The following ABCC4 variants were observed in gnomAD, a reference collection of about 807,000 sequenced individuals.
The protein encoded by ABCC4 is ATP binding cassette subfamily C member 4 (PEL blood group).
A neutral mutation model predicts 168.5 loss-of-function variants in ABCC4; 102 were observed. The observed-to-expected ratio is 0.61, with a 90% CI of 0.52 to 0.71. ABCC4 has a LOEUF of 0.71. Ranked by LOEUF, ABCC4 falls within the 30% of genes least tolerant of loss-of-function variation. ABCC4 has a pLI of 0.00. For synonymous variants in ABCC4, 617 were observed against 590.7 expected (o/e 1.04, Z -0.65); for missense variants, 1,402 against 1,605.8 (o/e 0.87, Z 2.17).
intron 1 of ABCC4, among the ~76,000 whole-genome samples, chr13:95,262,090 A>C (rs1364765493): frequency 6.6e-6 from 1 of 152,210 alleles, no homozygotes; most frequent in African/African-American, 2.4e-5. Context: ...AGGCCAGCCT[A>C]GGGCAACATG....
At chr13:95,042,086 A>G (rs1209976837) in intron 29 of ABCC4, among the ~76,000 whole-genome samples, 1 of 152,134 alleles carries the variant, frequency 6.6e-6, no homozygotes, top group African/African-American at 2.4e-5. Flanking sequence ...TGGAGACACT[A>G]ATGGAGTTGG....
intron 1 of ABCC4, among the ~76,000 whole-genome samples, chr13:95,272,048 A>ATT (rs34933534): frequency 0.03 from 4,465 of 148,474 alleles, 241 homozygotes; most frequent in African/African-American, 0.1. Context: ...TTAAGCACAT[A>ATT]TTTTTTTTTT....
intron 1 of ABCC4, among the ~76,000 whole-genome samples, chr13:95,284,313 G>A (rs1024971639): frequency 7.9e-5 from 12 of 152,024 alleles, no homozygotes; most frequent in Non-Finnish European, 1.6e-4. Flanking sequence ...CAGCCTTCCT[G>A]AGTAACTGTT....
At chr13:95,040,289 T>C (rs961345134) in intron 29 of ABCC4, among the ~76,000 whole-genome samples, 1 of 152,214 alleles carries the variant, frequency 6.6e-6, no homozygotes, top group African/African-American at 2.4e-5. Context: ...TGGAGTGCAG[T>C]GGCGCGATCT....
Position 95,204,573 on chromosome 13 carries a change from G to A in ABCC4, c.1161+1959C>T, listed in dbSNP as rs565667069. Among the ~76,000 whole-genome samples, 7 of 152,168 alleles carry A rather than the reference G, an allele frequency of 4.6e-5. No homozygotes were observed. In the East Asian group the frequency reaches 7.7e-4, roughly 17 times the overall value. On this transcript the variant is annotated intron_variant, in intron 8 of 30. Coordinates refer to ENST00000645237, the MANE Select transcript of ABCC4 (RefSeq NM_005845.5). ...GAAGAAAGTGCCTGCTTCCCCTTCCGCCATGACTGTGAGTTTCCTGAGGTC... is the reference window on the plus strand; with the variant it reads ...GAAGAAAGTGCCTGCTTCCCCTTCCACCATGACTGTGAGTTTCCTGAGGTC...
chr13:95,125,015 C>T (rs1366386610), intron 19 of ABCC4, among the ~76,000 whole-genome samples: 1 of 152,160 alleles, frequency 6.6e-6, no homozygotes, highest in Non-Finnish European at 1.5e-5. Context: ...GACCACCCCA[C>T]AGAGCACTAA....
chr13:95,190,033 T>C (rs894117367), intron 9 of ABCC4, among the ~76,000 whole-genome samples: 7 of 132,066 alleles, frequency 5.3e-5, no homozygotes, highest in African/African-American at 2.1e-4. Flanking sequence ...CAATCACTGC[T>C]AATGTTAAAA....
intron 1 of ABCC4, among the ~76,000 whole-genome samples, chr13:95,291,190 C>CA (rs1323401560): frequency 6.6e-6 from 1 of 151,440 alleles, no homozygotes; most frequent in Non-Finnish European, 1.5e-5. Context: ...CCCACCTCTA[C>CA]AAAAAATTAG....
chr13:95,080,576 A>C (rs7988310), intron 21 of ABCC4, among the ~76,000 whole-genome samples: 128,054 of 151,954 alleles, frequency 0.84, 55,715 homozygotes, highest in Non-Finnish European at 0.95. Context: ...TGGGTTCAAG[A>C]GATTCTCATG....
chr13:95,097,530 T>C (rs1206596991), intron 20 of ABCC4, among the ~76,000 whole-genome samples: 1 of 150,594 alleles, frequency 6.6e-6, no homozygotes, highest in East Asian at 1.9e-4. Flanking sequence ...ATCCAGATAT[T>C]ATAAGCCAAC....
chr13:95,194,149 G>A (rs2038343482), intron 9 of ABCC4, among the ~76,000 whole-genome samples: 1 of 152,182 alleles, frequency 6.6e-6, no homozygotes, highest in African/African-American at 2.4e-5. Context: ...CTTGTGGGTG[G>A]CCCCTGCTGT....
At chr13:95,214,729 T>C (rs1365059339) in intron 4 of ABCC4, among the ~76,000 whole-genome samples, 1 of 151,650 alleles carries the variant, frequency 6.6e-6, no homozygotes, top group African/African-American at 2.4e-5. Flanking sequence ...CTACTAAAAA[T>C]ACAAAAATTA....
At chr13:95,290,452 C>T (rs575670551) in intron 1 of ABCC4, among the ~76,000 whole-genome samples, 13 of 152,242 alleles carry the variant, frequency 8.5e-5, no homozygotes, top group Middle Eastern at 3.4e-3. Flanking sequence ...CGCCTGTAAT[C>T]CCAGCACTTT....
At chr13:95,115,854 G>T in intron 20 of ABCC4, 68 bp downstream of exon 20, 2 of 1,385,366 alleles carry the variant, frequency 1.4e-6, no homozygotes, top group Non-Finnish European at 2.0e-6. Flanking sequence ...CAGACCCCAT[G>T]AAAAGGGCTT....
intron 28 of ABCC4, 117 bp from the exon 29 acceptor site, chr13:95,043,904 T>C: frequency 1.5e-6 from 1 of 666,448 alleles, no homozygotes; most frequent in Non-Finnish European, 2.5e-6. Flanking sequence ...TATTTAATGT[T>C]TTAAAAATCA....
At chr13:95,038,084 A>G (rs935997867) in intron 29 of ABCC4, among the ~76,000 whole-genome samples, 1 of 152,046 alleles carries the variant, frequency 6.6e-6, no homozygotes, top group Admixed American at 6.6e-5. Flanking sequence ...TAAACTCCTG[A>G]GCTCAAAGCG....
chr13:95,225,164 C>CTT (rs1302653560), intron 4 of ABCC4, among the ~76,000 whole-genome samples: 2 of 53,264 alleles, frequency 3.8e-5, no homozygotes, highest in African/African-American at 1.3e-4. Flanking sequence ...CACACACACA[C>CTT]ACACACACAC....
intron 20 of ABCC4, among the ~76,000 whole-genome samples, chr13:95,115,098 T>G (rs1189961166): frequency 6.6e-6 from 1 of 152,030 alleles, no homozygotes; most frequent in Non-Finnish European, 1.5e-5. Flanking sequence ...GTGCCCCAGC[T>G]TGAACCACTG....
intron 19 of ABCC4, among the ~76,000 whole-genome samples, chr13:95,155,353 G>C (rs1472244021): frequency 6.6e-6 from 1 of 151,920 alleles, no homozygotes; most frequent in Non-Finnish European, 1.5e-5. Context: ...TAAAAGCTGA[G>C]AATCTTAATC....
Sources: allele counts gnomAD v4.1 joint callset (sites outside exome capture counted in the v4.1 genomes callset), GRCh38; gene constraint gnomAD v4.1.1; transcripts MANE v1.5; gene names NCBI Gene and HGNC (gene_info 2026-07-23, HGNC 2026-07-21).